Variants in DENND1B observed in about 807,000 individuals in gnomAD.
DENND1B encodes the protein DENN domain containing 1B.
DENND1B carries 59 observed loss-of-function variants against 90.1 expected under a neutral mutation model. The observed-to-expected ratio is 0.65, with a 90% CI of 0.53 to 0.81. The LOEUF is 0.81. Ranked by LOEUF, DENND1B falls within the 40% of genes least tolerant of loss-of-function variation. The pLI is 0.00. For synonymous variants in DENND1B, 337 were observed against 324.6 expected (o/e 1.04, Z -0.41); for missense variants, 862 against 912.6 (o/e 0.94, Z 0.71).
At chr1:197,765,901 G>A (rs1012603691) in intron 2 of DENND1B, among the ~76,000 whole-genome samples, 6 of 152,218 alleles carry the variant, frequency 3.9e-5, no homozygotes, top group Non-Finnish European at 7.4e-5. Context: ...ATACTGAACA[G>A]TGAAATTTGA....
intron 16 of DENND1B, among the ~76,000 whole-genome samples, chr1:197,549,844 G>A (rs565710564): frequency 3.3e-5 from 5 of 152,196 alleles, no homozygotes; most frequent in Non-Finnish European, 7.4e-5. Context: ...ACAGGGCAGA[G>A]GCAGTTTTTG....
intron 7 of DENND1B, among the ~76,000 whole-genome samples, chr1:197,650,563 C>G (rs139196114): frequency 1.4e-3 from 208 of 152,318 alleles, no homozygotes; most frequent in African/African-American, 4.9e-3. Flanking sequence ...CATACTTGCA[C>G]ACACACGTTT....
At chr1:197,638,828 C>T (rs961063869) in intron 10 of DENND1B, among the ~76,000 whole-genome samples, 2 of 151,792 alleles carry the variant, frequency 1.3e-5, no homozygotes, top group Non-Finnish European at 2.9e-5. Flanking sequence ...TCCATGTGTA[C>T]TTGACAATGT....
chr1:197,605,831 G>A (rs1042905427), intron 13 of DENND1B: 11 of 150,896 alleles, frequency 7.3e-5, no homozygotes, highest in African/African-American at 1.7e-4. Flanking sequence ...AGTATTTTAC[G>A]GTATTATGGG....
chr1:197,544,955 G>GGAGGAGGAGAAGGA (rs1558222461), intron 18 of DENND1B, among the ~76,000 whole-genome samples: 1 of 54,234 alleles, frequency 1.8e-5, no homozygotes, highest in Non-Finnish European at 3.9e-5. Context: ...GAAGAGAGAA[G>GGAGGAGGAGAAGGA]GGAGAAGGAG....
At chr1:197,612,367 T>C (rs1456194490) in intron 11 of DENND1B, among the ~76,000 whole-genome samples, 3 of 150,630 alleles carry the variant, frequency 2.0e-5, no homozygotes, top group African/African-American at 7.3e-5. Flanking sequence ...ACATCCGTTT[T>C]GCACATCTTT....
the DENND1B span, among the ~76,000 whole-genome samples, chr1:197,781,931 A>G: frequency 2.0e-5 from 3 of 152,314 alleles, no homozygotes; most frequent in African/African-American, 7.2e-5. Context: ...AGCACAGCAA[A>G]AGATCTTCTT....
intron 3 of DENND1B, among the ~76,000 whole-genome samples, chr1:197,695,185 T>C (rs1415934212): frequency 2.0e-5 from 3 of 151,262 alleles, no homozygotes; most frequent in Admixed American, 6.6e-5. Flanking sequence ...ATAAGATAGA[T>C]AGATACAAAG....
intron 2 of DENND1B, among the ~76,000 whole-genome samples, chr1:197,753,677 A>T (rs1487123752): frequency 6.6e-6 from 1 of 152,020 alleles, no homozygotes; most frequent in Non-Finnish European, 1.5e-5. Flanking sequence ...TTTACATGCA[A>T]TTTTGCTATG....
At chr1:197,643,768 C>A (rs1433087529) in intron 9 of DENND1B, among the ~76,000 whole-genome samples, 2 of 152,074 alleles carry the variant, frequency 1.3e-5, no homozygotes, top group Non-Finnish European at 2.9e-5. Context: ...ACTCTTATCC[C>A]CCACATGAGA....
chr1:197,606,791 T>G, intron 13 of DENND1B: 1 of 258,116 alleles, frequency 3.9e-6, no homozygotes, highest in Non-Finnish European at 7.3e-6. Flanking sequence ...ATGATTAAGA[T>G]GAGATGAAGA....
upstream of DENND1B, among the ~76,000 whole-genome samples, chr1:197,779,871 C>T (rs1657385182): frequency 6.6e-6 from 1 of 151,842 alleles, no homozygotes; most frequent in Non-Finnish European, 1.5e-5. Flanking sequence ...TCTACTTGTT[C>T]ATACTTATGG....
intron 20 of DENND1B, among the ~76,000 whole-genome samples, chr1:197,513,455 T>C (rs776902142): frequency 2.0e-5 from 3 of 150,834 alleles, no homozygotes; most frequent in Non-Finnish European, 3.0e-5. Context: ...TCTGGTTCTA[T>C]AGTGTTTCTG....
chr1:197,560,964 C>T (rs761615865), intron 15 of DENND1B, among the ~76,000 whole-genome samples: 6 of 151,884 alleles, frequency 4.0e-5, no homozygotes, highest in Non-Finnish European at 7.4e-5. Context: ...CACCCATCTG[C>T]GCTCACAGAC....
At chr1:197,679,510 T>G (rs1656437225) in intron 3 of DENND1B, among the ~76,000 whole-genome samples, 1 of 151,910 alleles carries the variant, frequency 6.6e-6, no homozygotes, top group South Asian at 2.1e-4. Context: ...AGTCCCATTT[T>G]ATATAAAGGA....
At chr1:197,692,199 T>C (rs1384210337) in intron 3 of DENND1B, among the ~76,000 whole-genome samples, 2 of 151,826 alleles carry the variant, frequency 1.3e-5, no homozygotes, top group East Asian at 1.9e-4. Context: ...GTTGAGGTTC[T>C]CAACAGTTCT....
At chr1:197,746,679 C>T in intron 2 of DENND1B, 1 of 767,486 alleles carries the variant, frequency 1.3e-6, no homozygotes, top group Non-Finnish European at 2.3e-6. Flanking sequence ...ACATATTTAA[C>T]ACAGGCTGGA....
At chr1:197,687,194 G>T (rs1262217888) in intron 3 of DENND1B, among the ~76,000 whole-genome samples, 2 of 152,100 alleles carry the variant, frequency 1.3e-5, no homozygotes, top group African/African-American at 4.8e-5. Flanking sequence ...GGAACCTCAG[G>T]CGAGTGACAT....
chr1:197,545,028 G>GAGGAGAAGGAGAAGTAGAAGGAGA (rs1670690837), intron 18 of DENND1B, among the ~76,000 whole-genome samples: 1 of 109,154 alleles, frequency 9.2e-6, no homozygotes, highest in African/African-American at 3.5e-5. Flanking sequence ...ACGAAAGAAG[G>GAGGAGAAGGAGAAGTAGAAGGAGA]AGGAGAAGGA....
Sources: allele counts gnomAD v4.1 joint callset (sites outside exome capture counted in the v4.1 genomes callset), GRCh38; gene constraint gnomAD v4.1.1; transcripts MANE v1.5; gene names NCBI Gene and HGNC (gene_info 2026-07-23, HGNC 2026-07-21).